ANO1: variants seen among roughly 807,000 people sequenced by gnomAD.
ANO1 encodes anoctamin 1.
In ANO1, 59 loss-of-function variants were observed where a neutral mutation model predicts 124.0. That is an observed-to-expected ratio of 0.48 (90% CI 0.39 to 0.59). The LOEUF (loss-of-function observed/expected upper bound fraction) is 0.59. Among genes scored for constraint, ANO1 ranks in the 20% least tolerant of loss-of-function variants. ANO1 has a pLI of 0.00. For missense variants in ANO1, 1,059 were observed against 1,328.0 expected (o/e 0.80, Z 3.15); for synonymous variants, 529 against 532.0 (o/e 0.99, Z 0.08).
chr11:70,161,820 A>T, intron 18 of ANO1, 87 bp downstream of exon 18: 1 of 1,329,374 alleles, frequency 7.5e-7, no homozygotes. Context: ...GGGCACCTGG[A>T]GCCCAGGGCA....
chr11:70,094,381 T>C lies in ANO1; in HGVS notation c.441+6297T>C, dbSNP rs533858765. On this transcript the variant is annotated intron_variant, in intron 2 of 25. Coordinates refer to ENST00000355303, the MANE Select transcript of ANO1 (RefSeq NM_018043.7). The stretch of plus-strand genomic sequence containing the variant: ...GGAGGCAGTCCTGGGGCTGCATTCA[T>C]TGTCCACAGGGCCCTGGGCACTGGC... Among the ~76,000 whole-genome samples, 19 of 152,262 alleles carry C rather than the reference T, an allele frequency of 1.2e-4. No homozygotes were observed. The East Asian group carries it at 3.5e-3, about 28-fold the overall frequency.
At chr11:70,168,994 G>A (rs767455577) in intron 21 of ANO1, among the ~76,000 whole-genome samples, 7 of 152,180 alleles carry the variant, frequency 4.6e-5, no homozygotes, top group Non-Finnish European at 1.0e-4. Context: ...GGTCAGGCCG[G>A]TAGGCAGAAA....
At chr11:70,143,520 C>T (rs935028529) in intron 11 of ANO1, among the ~76,000 whole-genome samples, 6 of 152,064 alleles carry the variant, frequency 3.9e-5, no homozygotes, top group Admixed American at 1.3e-4. Flanking sequence ...ACGGAGGGGT[C>T]GGTACTTCCA....
intron 23 of ANO1, among the ~76,000 whole-genome samples, chr11:70,181,856 C>T (rs2048941352): frequency 1.3e-5 from 2 of 152,170 alleles, no homozygotes; most frequent in Admixed American, 1.3e-4. Context: ...GCTCTTTCCA[C>T]ACACTAGCCC....
chr11:69,981,129 C>T (rs1160213868), upstream of ANO1, among the ~76,000 whole-genome samples: 1 of 152,184 alleles, frequency 6.6e-6, no homozygotes, highest in Non-Finnish European at 1.5e-5. Context: ...GCAGTTATGG[C>T]ACAGGAAGAC....
intron 6 of ANO1, among the ~76,000 whole-genome samples, chr11:70,110,100 C>T (rs550308826): frequency 3.9e-4 from 59 of 152,046 alleles, no homozygotes; most frequent in African/African-American, 1.4e-3. Context: ...ATGCAAAGGC[C>T]CTGCGGCAGG....
chr11:70,171,517 A>G (rs190057458), intron 22 of ANO1, among the ~76,000 whole-genome samples: 1 of 152,214 alleles, frequency 6.6e-6, no homozygotes, highest in East Asian at 1.9e-4. Flanking sequence ...CCATCTGTAG[A>G]CAGGGAAGAA....
At chr11:70,067,773 G>A (rs1015358656) in intron 1 of ANO1, among the ~76,000 whole-genome samples, 1 of 152,178 alleles carries the variant, frequency 6.6e-6, no homozygotes, top group Admixed American at 6.5e-5. Context: ...GCCCCGGCTT[G>A]GGCAGTCGAC....
intron 2 of ANO1, among the ~76,000 whole-genome samples, chr11:70,099,789 T>C (rs1324884045): frequency 1.3e-5 from 2 of 152,134 alleles, no homozygotes; most frequent in Non-Finnish European, 2.9e-5. Context: ...GATACCCAGT[T>C]TGCGATGAGG....
chr11:70,076,433 CT>C (rs782542933), upstream of ANO1, among the ~76,000 whole-genome samples: 266 of 146,122 alleles, frequency 1.8e-3, no homozygotes, highest in Middle Eastern at 7.0e-3. Flanking sequence ...TATTTTTACT[CT>C]TTTTTTTTTT....
intron 2 of ANO1, among the ~76,000 whole-genome samples, chr11:70,097,576 A>G (rs1033007491): frequency 6.6e-6 from 1 of 152,212 alleles, no homozygotes; most frequent in African/African-American, 2.4e-5. Flanking sequence ...TGCAGGGTCA[A>G]GGTCAGGCTG....
chr11:70,169,353 C>A (rs1399744841), intron 21 of ANO1, among the ~76,000 whole-genome samples: 1 of 152,224 alleles, frequency 6.6e-6, no homozygotes, highest in Non-Finnish European at 1.5e-5. Flanking sequence ...TTCTCCCCAC[C>A]CCATGGGCTG....
intron 1 of ANO1, among the ~76,000 whole-genome samples, chr11:69,997,261 C>T (rs1393301981): frequency 1.3e-5 from 2 of 152,196 alleles, no homozygotes; most frequent in East Asian, 1.9e-4. Flanking sequence ...CATTACCTTG[C>T]CCTGTCCTGC....
intron 11 of ANO1, among the ~76,000 whole-genome samples, chr11:70,135,497 C>T (rs79490605): frequency 0.013 from 1,922 of 152,302 alleles, 41 homozygotes; most frequent in African/African-American, 0.045. Flanking sequence ...CACGCTCTGC[C>T]CATCCCTGGC....
intron 1 of ANO1, among the ~76,000 whole-genome samples, chr11:70,029,608 G>A (rs868912212): frequency 2.6e-5 from 4 of 152,360 alleles, no homozygotes; most frequent in South Asian, 2.1e-4. Context: ...CTCTGAGGGC[G>A]CCCAGGTGCT....
At chr11:70,131,489 G>A (rs1345122854) in intron 10 of ANO1, among the ~76,000 whole-genome samples, 5 of 152,068 alleles carry the variant, frequency 3.3e-5, no homozygotes, top group South Asian at 2.1e-4. Context: ...CACCATGCCC[G>A]GCTAATTTTT....
At chr11:70,131,038 C>T (rs2046737194) in intron 10 of ANO1, among the ~76,000 whole-genome samples, 1 of 152,216 alleles carries the variant, frequency 6.6e-6, no homozygotes, top group East Asian at 1.9e-4. Flanking sequence ...GGCCTTATAA[C>T]ATAAAGACCT....
intron 22 of ANO1, among the ~76,000 whole-genome samples, chr11:70,177,935 A>T (rs988604804): frequency 6.6e-6 from 1 of 152,164 alleles, no homozygotes; most frequent in Non-Finnish European, 1.5e-5. Flanking sequence ...GTTTTTAAGC[A>T]TCCGTCTGCA....
chr11:70,150,099 C>G (rs1940236), intron 12 of ANO1, among the ~76,000 whole-genome samples: 4 of 152,064 alleles, frequency 2.6e-5, no homozygotes, highest in African/African-American at 9.7e-5. Context: ...CTGACCTCAT[C>G]GCGTCTGGGG....
Sources: allele counts gnomAD v4.1 joint callset (sites outside exome capture counted in the v4.1 genomes callset), GRCh38; gene constraint gnomAD v4.1.1; transcripts MANE v1.5; gene names NCBI Gene and HGNC (gene_info 2026-07-23, HGNC 2026-07-21).